TMEM161B: variants seen among roughly 807,000 people sequenced by gnomAD.
TMEM161B encodes transmembrane protein 161B.
TMEM161B carries 34 observed loss-of-function variants against 61.8 expected under a neutral mutation model. The ratio of observed to expected loss-of-function variants is 0.55; its 90% CI spans 0.42 to 0.73. The LOEUF (loss-of-function observed/expected upper bound fraction) is 0.73. TMEM161B is among the 30% of genes least tolerant of loss of function. The probability of loss-of-function intolerance (pLI) is 0.00; values close to 1 mark genes in which losing one functional copy is unlikely to be tolerated. For synonymous variants in TMEM161B, 167 were observed against 192.8 expected, an observed-to-expected ratio of 0.87 and a Z score of 1.11; for missense variants, 456 against 558.5, an observed-to-expected ratio of 0.82 and a Z score of 1.85.
chr5:88,211,391 A>G lies in TMEM161B; in HGVS notation c.447-4211T>C, dbSNP rs1382772637. Among the ~76,000 whole-genome samples the G allele has an allele frequency of 2.7e-5, 4 of 150,090 alleles. No homozygotes were observed. The Admixed American group carries it at 2.7e-4, about 10-fold the overall frequency. The stretch of plus-strand genomic sequence containing the variant: ...ATGAAAAATGAATGGTTAGACATCA[A>G]CGAGAAACAGGACAGGAAAAATAAG... On this transcript the variant is annotated intron_variant, in intron 5 of 11. Transcript: ENST00000296595.
At chr5:88,215,017 G>A (rs936431886) in intron 5 of TMEM161B, among the ~76,000 whole-genome samples, 15 of 152,180 alleles carry the variant, frequency 9.9e-5, no homozygotes, top group Admixed American at 7.9e-4. Flanking sequence ...ATAATTTGCT[G>A]TCTTATGTAT....
chr5:88,192,014 A>ATATATATATGTATATATATATG (rs1561287431), downstream of TMEM161B, among the ~76,000 whole-genome samples: 11 of 93,788 alleles, frequency 1.2e-4, no homozygotes, highest in African/African-American at 4.0e-4. Flanking sequence ...ATATATATAT[A>ATATATATATGTATATATATATG]TATATATATA....
intron 1 of TMEM161B, among the ~76,000 whole-genome samples, chr5:88,252,481 A>T (rs1417072895): frequency 6.6e-6 from 1 of 152,210 alleles, no homozygotes; most frequent in East Asian, 1.9e-4. Flanking sequence ...TAAGAATAAG[A>T]TAAATGTCGT....
At chr5:88,211,198 G>GA (rs1206241501) in intron 5 of TMEM161B, among the ~76,000 whole-genome samples, 1 of 151,328 alleles carries the variant, frequency 6.6e-6, no homozygotes, top group Non-Finnish European at 1.5e-5. Context: ...GTAACTTCAA[G>GA]AAAAAAAGAG....
intron 1 of TMEM161B, among the ~76,000 whole-genome samples, chr5:88,254,548 T>C (rs547720938): frequency 2.6e-5 from 4 of 152,214 alleles, no homozygotes; most frequent in East Asian, 1.9e-4. Flanking sequence ...AGAAAAATGA[T>C]TGATTTAGCA....
At position 88,225,773 on chromosome 5, in the gene TMEM161B, A is replaced by AGTAT; in HGVS notation, c.281_284dup (p.Leu96TyrfsTer28). 1 of 1,593,912 alleles carries AGTAT rather than the reference A, an allele frequency of 6.3e-7. No individual in the cohort carries two copies. The highest frequency in any genetic ancestry group is 8.6e-7 in the Non-Finnish European group (1 of 1,165,556). On this transcript the variant is annotated frameshift_variant, in exon 4 of 12. Transcript: ENST00000296595. LOFTEE classifies it high-confidence loss of function. Reference sequence around the variant, plus strand: ...TTTTATCAAGATTTCCCTTACCTAAAGTATCCACTTCTGTAACTGACTTTG... The same window carrying AGTAT: ...TTTTATCAAGATTTCCCTTACCTAAAGTATGTATCCACTTCTGTAACTGACTTTG...
chr5:88,231,688 AT>A (rs1446614960), intron 2 of TMEM161B, among the ~76,000 whole-genome samples: 1 of 152,210 alleles, frequency 6.6e-6, no homozygotes, highest in Non-Finnish European at 1.5e-5. Flanking sequence ...CACTTCCTGA[AT>A]TTATACTGAA....
chr5:88,187,114 T>C (rs757487985), downstream of TMEM161B, among the ~76,000 whole-genome samples: 2 of 152,216 alleles, frequency 1.3e-5, no homozygotes, highest in Non-Finnish European at 2.9e-5. Context: ...GTTGTTGCAA[T>C]GACTCTCCTT....
intron 5 of TMEM161B, among the ~76,000 whole-genome samples, chr5:88,215,629 A>T (rs1025002522): frequency 2.0e-5 from 3 of 152,136 alleles, no homozygotes; most frequent in African/African-American, 7.2e-5. Context: ...CCTCTCTGGG[A>T]TAGGGAGACA....
At chr5:88,217,164 G>A (rs1466628565) in intron 5 of TMEM161B, among the ~76,000 whole-genome samples, 3 of 152,126 alleles carry the variant, frequency 2.0e-5, no homozygotes, top group African/African-American at 7.2e-5. Flanking sequence ...GGCTGGGGTG[G>A]GAGAAACATT....
In TMEM161B at chr5:88,195,354, A is replaced by G; in HGVS notation, c.*857T>C. ...TATTTTCATCTTTTATAATCTCAAT[A>G]TATTATATATTTAATATATAATATA... On this transcript the variant is annotated 3_prime_UTR_variant, in exon 12 of 12. Transcript: ENST00000296595. 2 of 732,464 alleles carry G rather than the reference A, an allele frequency of 2.7e-6. No individual in the cohort carries two copies. Among genetic ancestry groups the G allele is most frequent in the South Asian group, 6.2e-5 (1 of 16,050 alleles). The allele number at this position is 732,464 out of a possible 1,614,324, so 45.4% of individuals were successfully genotyped here. A position where few individuals can be genotyped will look rare whatever the true frequency, so the allele number is the denominator to read the frequency against.
At chr5:88,220,430 A>G (rs1748694576) in intron 5 of TMEM161B, 133 bp downstream of exon 5, 2 of 780,464 alleles carry the variant, frequency 2.6e-6, no homozygotes, top group Non-Finnish European at 3.6e-6. Context: ...TTTGAAAAAT[A>G]TTTTCAATTA....
intron 5 of TMEM161B, among the ~76,000 whole-genome samples, chr5:88,217,218 C>T (rs1335930736): frequency 2.0e-5 from 3 of 152,136 alleles, no homozygotes; most frequent in Non-Finnish European, 2.9e-5. Context: ...GATCATACCA[C>T]TGCACTACAG....
At chr5:88,259,450 G>C (rs1755415900) in intron 1 of TMEM161B, 1 of 152,172 alleles carries the variant, frequency 6.6e-6, no homozygotes, top group African/African-American at 2.4e-5. Context: ...CGTGAGATAG[G>C]CTTGGAACAA....
downstream of TMEM161B, among the ~76,000 whole-genome samples, chr5:88,187,589 T>C (rs1032632189): frequency 6.6e-6 from 1 of 152,178 alleles, no homozygotes; most frequent in African/African-American, 2.4e-5. Context: ...GTAACAAGAA[T>C]TACTAATTTT....
At chr5:88,247,854 C>G (rs1217006924) in intron 1 of TMEM161B, among the ~76,000 whole-genome samples, 5 of 152,040 alleles carry the variant, frequency 3.3e-5, no homozygotes, top group Non-Finnish European at 7.4e-5. Context: ...ATTCAATGAA[C>G]ATTTATTGAA....
chr5:88,224,513 A>C (rs1462939617), intron 4 of TMEM161B, among the ~76,000 whole-genome samples: 1 of 152,234 alleles, frequency 6.6e-6, no homozygotes, highest in African/African-American at 2.4e-5. Flanking sequence ...TAGGAGGAAA[A>C]CTAAATGACC....
chr5:88,229,672 ATATC>A (rs1750655239), intron 2 of TMEM161B, among the ~76,000 whole-genome samples: 1 of 148,522 alleles, frequency 6.7e-6, no homozygotes, highest in African/African-American at 2.5e-5. Context: ...GAAAAAATGC[ATATC>A]TAGTATGCTA....
Position 88,207,212 on chromosome 5 carries a change from A to G in TMEM161B, c.447-32T>C, listed in dbSNP as rs187263676. The G allele has an allele frequency of 8.2e-6, 13 of 1,584,948 alleles. No individual in the cohort carries two copies. In the East Asian group the frequency reaches 1.6e-4, roughly 19 times the overall value. ...AAGGAAAAGTTCAGGAAAAACCACAATAAATTTATAGGAGCTATACACAAT... is the reference window on the plus strand; with the variant it reads ...AAGGAAAAGTTCAGGAAAAACCACAGTAAATTTATAGGAGCTATACACAAT... On this transcript the variant is annotated intron_variant, in intron 5 of 11. Coordinates refer to ENST00000296595, the MANE Select transcript of TMEM161B (RefSeq NM_153354.5).
Sources: allele counts gnomAD v4.1 joint callset (sites outside exome capture counted in the v4.1 genomes callset), GRCh38; gene constraint gnomAD v4.1.1; transcripts MANE v1.5; gene names NCBI Gene and HGNC (gene_info 2026-07-23, HGNC 2026-07-21).